The following KCNQ1 variants were observed in gnomAD, a reference collection of about 807,000 sequenced individuals.
The protein encoded by KCNQ1 is potassium voltage-gated channel subfamily KQT member 1.
Under a neutral mutation model 72.4 loss-of-function variants are expected in KCNQ1, and 49 were observed. The observed-to-expected ratio is 0.68, with a 90% confidence interval of 0.54 to 0.86. The LOEUF (loss-of-function observed/expected upper bound fraction) is 0.86. Among genes scored for constraint, KCNQ1 ranks in the 40% least tolerant of loss-of-function variants. The pLI is 0.00. For synonymous variants in KCNQ1, 450 were observed against 412.6 expected (o/e 1.09, Z -1.10); for missense variants, 790 against 945.1 (o/e 0.84, Z 2.15).
intron 15 of KCNQ1, among the ~76,000 whole-genome samples, chr11:2,846,068 C>T (rs967281695): frequency 2.6e-5 from 4 of 152,118 alleles, no homozygotes; most frequent in African/African-American, 2.4e-5. Context: ...TTGTCTCACC[C>T]GCACAGAACC....
At chr11:2,548,228 C>T (rs1238473206) in intron 2 of KCNQ1, among the ~76,000 whole-genome samples, 3 of 152,174 alleles carry the variant, frequency 2.0e-5, no homozygotes, top group Non-Finnish European at 4.4e-5. Flanking sequence ...TTGCACGAGT[C>T]GTGTGAGCAC....
In KCNQ1 at chr11:2,764,204, T is replaced by C. The variant is rs1395651214; in HGVS notation, c.1515-4640T>C. Reference sequence around the variant, plus strand: ...TTTTTGTTTTAGTTTTTGTCTTTTTTTTTTTTAGGTAATGGAGTTTCTATT... The same window carrying C: ...TTTTTGTTTTAGTTTTTGTCTTTTTCTTTTTTAGGTAATGGAGTTTCTATT... On this transcript the variant is annotated intron_variant, in intron 11 of 15. Transcript: ENST00000155840. This position sits in a 1 kb window ranked among gnomAD's most constrained non-coding sequence, Gnocchi z 4.8. 2.0e-5 allele frequency among the ~76,000 whole-genome samples: 3 copies of C among 152,114 alleles called. No individual in the cohort carries two copies. The highest frequency in any genetic ancestry group is 4.4e-5 in the Non-Finnish European group (3 of 68,024).
chr11:2,557,720 C>T (rs770981252), intron 2 of KCNQ1, among the ~76,000 whole-genome samples: 29 of 152,188 alleles, frequency 1.9e-4, no homozygotes, highest in Admixed American at 2.6e-4. Flanking sequence ...AATGAACAGT[C>T]CAGGAGACAG....
rs1469210147 is a variant in KCNQ1, at chr11:2,690,896, GT to G, written c.1514+28819del. The G allele has an allele frequency of 2.5e-6, 1 of 398,506 alleles. No individual in the cohort carries two copies. The highest frequency in any genetic ancestry group is 3.6e-5 in the East Asian group (1 of 28,094). 24.7% of individuals were successfully genotyped at this position (398,506 alleles called of 1,614,324 possible). On this transcript the variant is annotated intron_variant, in intron 11 of 15. Transcript: ENST00000155840. The surrounding 1 kb of genome is among the most constrained non-coding windows in gnomAD (Gnocchi z 5.1). ...AGTGTAAGCCACTGTTTCCGTCTGG[GT>G]TTTGTCATGTGTAGGTCCCAGCGGC... is the stretch of plus-strand genomic sequence containing the variant.
chr11:2,817,512 T>C lies in KCNQ1; in HGVS notation c.1795-30255T>C, dbSNP rs541412774. 9.2e-5 allele frequency among the ~76,000 whole-genome samples: 14 copies of C among 152,258 alleles called. No individual in the cohort carries two copies. In the South Asian group the frequency reaches 2.7e-3, roughly 29 times the overall value. ...GGCATTTCAGATCCTGAGCAGCATG[T>C]ACCCTGTGAAAGAACAGGTTCCCCA... On this transcript the variant is annotated intron_variant, in intron 15 of 15. Coordinates refer to ENST00000155840, the MANE Select transcript of KCNQ1 (RefSeq NM_000218.3). This position sits in a 1 kb window ranked among gnomAD's most constrained non-coding sequence, Gnocchi z 6.1.
intron 11 of KCNQ1, among the ~76,000 whole-genome samples, chr11:2,731,237 G>A (rs1174572205): frequency 6.6e-6 from 1 of 152,208 alleles, no homozygotes; most frequent in Non-Finnish European, 1.5e-5. Context: ...CAGACCTGGT[G>A]CAGCTTCATA....
At chr11:2,633,587 A>G (rs900636300) in intron 10 of KCNQ1, 1 of 398,448 alleles carries the variant, frequency 2.5e-6, no homozygotes, top group African/African-American at 2.1e-5. Context: ...TGCATATGAT[A>G]TCCTGTTTTC....
rs1488188873 is a variant in KCNQ1 at position 2,571,347 on chromosome 11, C to A, written c.627C>A (p.Ser209=). ...SIIDLIVVVA[S]MVVLCVGSKG... ...CAGACCTCATCGTGGTCGTGGCCTC[C>A]ATGGTGGTCCTCTGCGTGGGCTCCA... The change falls in exon 4 of 16, where the codon TCC becomes TCA. Residue 209 remains serine, a synonymous_variant. Coordinates refer to ENST00000155840, the MANE Select transcript of KCNQ1 (RefSeq NM_000218.3). 1.2e-6 allele frequency: 2 copies of A among 1,613,196 alleles called. No individual in the cohort carries two copies. The highest frequency in any genetic ancestry group is 2.2e-5 in the South Asian group (2 of 91,074).
chr11:2,546,278 AATTT>A (rs1332347068), intron 2 of KCNQ1, among the ~76,000 whole-genome samples: 1 of 152,152 alleles, frequency 6.6e-6, no homozygotes, highest in African/African-American at 2.4e-5. Context: ...ACTGATGTCT[AATTT>A]ATTTATGGCT....
Position 2,670,377 on chromosome 11 carries a change from A to G in KCNQ1, c.1514+8296A>G. 1 of 398,466 alleles carries G rather than the reference A, an allele frequency of 2.5e-6. No individual in the cohort carries two copies. The highest frequency in any genetic ancestry group is 3.6e-5 in the East Asian group (1 of 28,072). 24.7% of individuals were successfully genotyped at this position (398,466 alleles called of 1,614,324 possible). On this transcript the variant is annotated intron_variant, in intron 11 of 15. Coordinates refer to ENST00000155840, the MANE Select transcript of KCNQ1 (RefSeq NM_000218.3). This position sits in a 1 kb window ranked among gnomAD's most constrained non-coding sequence, Gnocchi z 4.9. ...GATGGTTAGTATAGGCTGAAATTCC[A>G]AGAGCATTAACCAGACACCTACTAT...
In KCNQ1 at chr11:2,621,570, A is replaced by G. The variant is rs188161792; in HGVS notation, c.1393+32716A>G. The stretch of plus-strand genomic sequence containing the variant: ...AGTTTACCACTGTGATCTCTTTGCT[A>G]TTGGTCTGTTCAGGCTTTCTATTCC... On this transcript the variant is annotated intron_variant, in intron 10 of 15. Transcript: ENST00000155840. The surrounding 1 kb of genome is among the most constrained non-coding windows in gnomAD (Gnocchi z 5.7). 341 of 398,270 alleles carry G rather than the reference A, an allele frequency of 8.6e-4. 3 individuals are homozygous for G. In the East Asian group the frequency reaches 0.01, roughly 12 times the overall value. The allele number at this position is 398,270 out of a possible 1,614,324, so 24.7% of individuals were successfully genotyped here.
chr11:2,748,700 C>A lies in KCNQ1; in HGVS notation c.1515-20144C>A, dbSNP rs1590066662. ...CTGGATCACAGAGCTTCGGGTCCAG[C>A]CAGCTGCTGCTGCCCCTCCCTCTGG... On this transcript the variant is annotated intron_variant, in intron 11 of 15. Coordinates refer to ENST00000155840, the MANE Select transcript of KCNQ1 (RefSeq NM_000218.3). This position sits in a 1 kb window ranked among gnomAD's most constrained non-coding sequence, Gnocchi z 6.2. 7.0e-6 allele frequency among the ~76,000 whole-genome samples: 1 copy of A among 143,286 alleles called. No homozygotes were observed. The highest frequency in any genetic ancestry group is 1.6e-5 in the Non-Finnish European group (1 of 64,138). The allele number at this position is 143,286 out of a possible 152,430, so 94.0% of individuals were successfully genotyped here.
chr11:2,743,998 C>T (rs1410016335), intron 11 of KCNQ1, among the ~76,000 whole-genome samples: 1 of 152,230 alleles, frequency 6.6e-6, no homozygotes, highest in Non-Finnish European at 1.5e-5. Context: ...CTCTTGACTG[C>T]AGGTCTCTCG....
At position 2,536,400 on chromosome 11, in the gene KCNQ1, G is replaced by A. The variant is rs949589789; in HGVS notation, c.477+8382G>A. Among the ~76,000 whole-genome samples the A allele has an allele frequency of 6.6e-6, 1 of 151,926 alleles. No homozygotes were observed. The highest frequency in any genetic ancestry group is 6.6e-5 in the Admixed American group (1 of 15,256). On this transcript the variant is annotated intron_variant, in intron 2 of 15. Transcript: ENST00000155840. The surrounding 1 kb of genome is among the most constrained non-coding windows in gnomAD (Gnocchi z 7.4). ...GAAGGGAGGCTGGGGTGGGTGCCCC[G>A]AGTGCCTTGTTGGAGTGGAGGCTGG...
chr11:2,652,374 C>T lies in KCNQ1; in HGVS notation c.1394-9587C>T. On this transcript the variant is annotated intron_variant, in intron 10 of 15. Coordinates refer to ENST00000155840, the MANE Select transcript of KCNQ1 (RefSeq NM_000218.3). The surrounding 1 kb of genome is among the most constrained non-coding windows in gnomAD (Gnocchi z 5.9). ...TGTTGTGATGAAGGTGAAAAGATCG[C>T]TCTTAATTAGATTAAAAACATTTTT... 5.0e-6 allele frequency: 2 copies of T among 398,638 alleles called. No homozygotes were observed. Among genetic ancestry groups the T allele is most frequent in the Non-Finnish European group, 8.8e-6 (2 of 226,062 alleles). 24.7% of individuals were successfully genotyped at this position (398,638 alleles called of 1,614,324 possible).
At position 2,839,089 on chromosome 11, in the gene KCNQ1, G is replaced by T. The variant is rs568260749; in HGVS notation, c.1795-8678G>T. Among the ~76,000 whole-genome samples the T allele has an allele frequency of 2.4e-4, 36 of 152,290 alleles. No individual in the cohort carries two copies. The South Asian group carries it at 5.8e-3, about 25-fold the overall frequency. ...GAGCCGCCCCTGCCTGGCGTCTGCC[G>T]GCAGGAAGCTCCTGAGGCCGGGCTA... On this transcript the variant is annotated intron_variant, in intron 15 of 15. Transcript: ENST00000155840.
chr11:2,459,147 G>A (rs997807651), intron 1 of KCNQ1, among the ~76,000 whole-genome samples: 2 of 152,166 alleles, frequency 1.3e-5, no homozygotes, highest in African/African-American at 2.4e-5. Context: ...CTCCCAGCTG[G>A]CCATGTTACC....
At chr11:2,635,398 A>G (rs1227727931) in intron 10 of KCNQ1, 2 of 151,900 alleles carry the variant, frequency 1.3e-5, no homozygotes, top group Non-Finnish European at 2.9e-5. Flanking sequence ...CTTTCTACAT[A>G]TGGCTAGCCA....
chr11:2,806,984 C>T (rs1024282208), intron 15 of KCNQ1, among the ~76,000 whole-genome samples: 2 of 152,098 alleles, frequency 1.3e-5, no homozygotes, highest in Non-Finnish European at 2.9e-5. Context: ...GGGGCTGGGG[C>T]GTAGCCCCTC....
Sources: allele counts gnomAD v4.1 joint callset (sites outside exome capture counted in the v4.1 genomes callset), GRCh38; gene constraint gnomAD v4.1.1; non-coding constraint Gnocchi (gnomAD v3.1); transcripts MANE v1.5; gene names NCBI Gene and HGNC (gene_info 2026-07-23, HGNC 2026-07-21).